Variants in PAX3 observed in about 807,000 individuals in gnomAD.
The protein encoded by PAX3 is paired box 3, also known as paired box protein Pax-3.
Under a neutral mutation model 51.6 loss-of-function variants are expected in PAX3, and 14 were observed. The observed-to-expected ratio is 0.27, with a 90% CI of 0.18 to 0.42. PAX3 has a LOEUF of 0.42. Among genes scored for constraint, PAX3 ranks in the 10% least tolerant of loss-of-function variants. The pLI is 1.00. For synonymous variants in PAX3, 280 were observed against 253.4 expected, an observed-to-expected ratio of 1.11 and a Z score of -1.00; for missense variants, 540 against 642.8, an observed-to-expected ratio of 0.84 and a Z score of 1.73.
rs1252492405 is a variant in PAX3 at position 222,297,218 on chromosome 2, G to A, written c.86-5C>T. 1.3e-6 allele frequency: 2 copies of A among 1,561,216 alleles called. No homozygotes were observed. The highest frequency in any genetic ancestry group is 1.7e-6 in the Non-Finnish European group (2 of 1,150,076). On this transcript the variant is annotated splice_polypyrimidine_tract_variant and splice_region_variant and intron_variant, in intron 1 of 8. Coordinates refer to ENST00000392070, the MANE Select transcript of PAX3 (RefSeq NM_181458.4). ...CCTGGCCGAGGGGAGTGGACACTGT[G>A]GGAAGGTGAAAAAGAGAAGCAAGGG...
intron 7 of PAX3, among the ~76,000 whole-genome samples, chr2:222,208,814 T>C (rs1559254616): frequency 6.6e-6 from 1 of 152,236 alleles, no homozygotes; most frequent in East Asian, 1.9e-4. Flanking sequence ...ATTCTAAATA[T>C]AGAAAGAGAA....
intron 4 of PAX3, among the ~76,000 whole-genome samples, chr2:222,241,752 A>G (rs960596205): frequency 6.6e-6 from 1 of 152,266 alleles, no homozygotes; most frequent in Non-Finnish European, 1.5e-5. Context: ...TAGATATTCA[A>G]TGGAATTGAG....
intron 5 of PAX3, among the ~76,000 whole-genome samples, chr2:222,228,955 C>G (rs1341298902): frequency 6.6e-6 from 1 of 151,842 alleles, no homozygotes; most frequent in Admixed American, 6.6e-5. Flanking sequence ...AACAAACAAA[C>G]AAACAAACAA....
chr2:222,293,659 G>T lies in PAX3; in HGVS notation c.586+508C>A, dbSNP rs932921033. 9 of 1,613,902 alleles carry T rather than the reference G, an allele frequency of 5.6e-6. No homozygotes were observed. In the African/African-American group the frequency reaches 1.2e-4, roughly 22 times the overall value. On this transcript the variant is annotated intron_variant, in intron 4 of 8. Transcript: ENST00000392070. Reference sequence around the variant, plus strand: ...GTCAACACACAGACATATTTATAAGGCAGCCAATGTGGGGGCAATTTTGGA... The same window carrying T: ...GTCAACACACAGACATATTTATAAGTCAGCCAATGTGGGGGCAATTTTGGA...
chr2:222,244,683 C>A (rs1693150641), intron 4 of PAX3, among the ~76,000 whole-genome samples: 1 of 149,966 alleles, frequency 6.7e-6, no homozygotes, highest in South Asian at 2.1e-4. Context: ...AATCTCCCAT[C>A]TGCTTCCTCT....
In PAX3 at chr2:222,202,115, C is replaced by T. The variant is rs528350431; in HGVS notation, c.1249G>A (p.Gly417Arg). ...QTDYALSPLT[G>R]GLEPTTTVSA... ...ACCGTGGTGGTAGGTTCCAGACCCCCGGTGAGAGGGGAGAGCGCGTAATCA... is the reference window on the plus strand; with the variant it reads ...ACCGTGGTGGTAGGTTCCAGACCCCTGGTGAGAGGGGAGAGCGCGTAATCA... Residue 417 changes from glycine to arginine, a missense_variant, in exon 8 of 9, where the codon GGG becomes AGG. Gly to Arg is a moderately radical substitution (Grantham distance 125). Around this residue, in one of 3 missense-constraint regions of PAX3, gnomAD observed 427 missense variants for 483.6 expected, o/e 0.88. Coordinates refer to ENST00000392070, the MANE Select transcript of PAX3 (RefSeq NM_181458.4). The T allele has an allele frequency of 3.1e-6, 5 of 1,613,694 alleles. No homozygotes were observed. The highest frequency in any genetic ancestry group is 2.7e-5 in the African/African-American group (2 of 74,974).
chr2:222,216,705 AAC>A (rs71407982), intron 7 of PAX3, among the ~76,000 whole-genome samples: 144 of 148,734 alleles, frequency 9.7e-4, no homozygotes, highest in Middle Eastern at 3.5e-3. Flanking sequence ...CACATACACA[AAC>A]ACACACACAC....
chr2:222,218,772 T>C (rs1190251743), intron 7 of PAX3, among the ~76,000 whole-genome samples: 1 of 152,236 alleles, frequency 6.6e-6, no homozygotes, highest in Non-Finnish European at 1.5e-5. Flanking sequence ...TTTCATGTTG[T>C]TATTTTTCAG....
chr2:222,209,108 C>A (rs939874765), intron 7 of PAX3, among the ~76,000 whole-genome samples: 1 of 152,108 alleles, frequency 6.6e-6, no homozygotes, highest in African/African-American at 2.4e-5. Context: ...ATTCCCATTT[C>A]CCTAAAAGTT....
chr2:222,224,048 A>G lies in PAX3; in HGVS notation c.793-2661T>C, dbSNP rs78689439. Among the ~76,000 whole-genome samples the G allele has an allele frequency of 1.4e-3, 215 of 152,334 alleles. 2 individuals carry two copies. The East Asian group carries it at 0.037, about 26-fold the overall frequency. ...AGAAGAAACATCATGAGTTTCTACAAATACCTTCAAAAGACAGAATCCAAA... is the reference window on the plus strand; with the variant it reads ...AGAAGAAACATCATGAGTTTCTACAGATACCTTCAAAAGACAGAATCCAAA... On this transcript the variant is annotated intron_variant, in intron 5 of 8. Coordinates refer to ENST00000392070, the MANE Select transcript of PAX3 (RefSeq NM_181458.4).
chr2:222,240,360 T>C (rs4606918), intron 4 of PAX3, among the ~76,000 whole-genome samples: 85,831 of 151,970 alleles, frequency 0.56, 24,814 homozygotes, highest in East Asian at 0.83. Flanking sequence ...CCTAAGCTTC[T>C]CAGAATTTTG....
At chr2:222,298,491 G>A in intron 1 of PAX3, 40 bp downstream of exon 1, 1 of 1,531,666 alleles carries the variant, frequency 6.5e-7, no homozygotes, top group Non-Finnish European at 8.9e-7. Context: ...GCCGGTCCCA[G>A]GCCCTGGGAT....
chr2:222,278,351 G>A (rs1264963007), intron 4 of PAX3, among the ~76,000 whole-genome samples: 2 of 152,152 alleles, frequency 1.3e-5, no homozygotes, highest in Non-Finnish European at 2.9e-5. Flanking sequence ...GTCCTCTAGA[G>A]GAGGGGAGTC....
At position 222,298,718 on chromosome 2, in the gene PAX3, C is replaced by A. The variant is rs187357361; in HGVS notation, c.-103G>T. 1 of 1,175,224 alleles carries A rather than the reference C, an allele frequency of 8.5e-7. No homozygotes were observed. The highest frequency in any genetic ancestry group is 2.0e-5 in the Admixed American group (1 of 50,518). The allele number at this position is 1,175,224 out of a possible 1,614,324, so 72.8% of individuals were successfully genotyped here. ...GGGAACTATCCGGAGCGTGGAGAGC[C>A]CCTCCCCAAAACGGCTGGAGAGAGA... On this transcript the variant is annotated 5_prime_UTR_variant, in exon 1 of 9. Coordinates refer to ENST00000392070, the MANE Select transcript of PAX3 (RefSeq NM_181458.4).
chr2:222,223,103 G>C (rs181321949), intron 5 of PAX3, among the ~76,000 whole-genome samples: 1 of 152,068 alleles, frequency 6.6e-6, no homozygotes, highest in Admixed American at 6.5e-5. Context: ...ATTTAAGAGC[G>C]GAGGAAAAGA....
chr2:222,264,546 C>T (rs1424035679), intron 4 of PAX3: 3 of 152,094 alleles, frequency 2.0e-5, no homozygotes, highest in East Asian at 3.8e-4. Context: ...TTGTGTTACG[C>T]AAGTTTCACC....
chr2:222,236,108 C>T (rs933640609), intron 4 of PAX3, among the ~76,000 whole-genome samples: 1 of 152,180 alleles, frequency 6.6e-6, no homozygotes, highest in African/African-American at 2.4e-5. Context: ...TATGTAAAGT[C>T]AGCAACCCAA....
intron 4 of PAX3, among the ~76,000 whole-genome samples, chr2:222,245,454 T>C (rs895424765): frequency 2.0e-5 from 3 of 152,208 alleles, no homozygotes; most frequent in African/African-American, 7.2e-5. Context: ...CCACAACCAA[T>C]GTGAATAGGT....
chr2:222,246,969 AG>A (rs1360617589), intron 4 of PAX3, among the ~76,000 whole-genome samples: 7 of 152,348 alleles, frequency 4.6e-5, no homozygotes, highest in Admixed American at 3.9e-4. Context: ...ATGAGGGCTG[AG>A]ACAAATGCAC....
Sources: gnomAD v4.1 joint callset for allele counts (sites outside exome capture counted in the v4.1 genomes callset) on GRCh38, gnomAD v4.1.1 for gene constraint, gnomAD v4.1.1 regional missense constraint, MANE v1.5 for transcripts, NCBI Gene and HGNC (gene_info 2026-07-23, HGNC 2026-07-21) for gene names.